Variants in DUSP14 observed in about 807,000 individuals in gnomAD.
DUSP14 encodes the protein dual specificity protein phosphatase 14.
A neutral mutation model predicts 13.2 loss-of-function variants in DUSP14; 5 were observed. That is an observed-to-expected ratio of 0.38 (90% confidence interval 0.20 to 0.80). The LOEUF (loss-of-function observed/expected upper bound fraction) is 0.80. Among genes scored for constraint, DUSP14 ranks in the 30% least tolerant of loss-of-function variants. The pLI is 0.44. For synonymous variants in DUSP14, 91 were observed against 103.4 expected (o/e 0.88, Z 0.73); for missense variants, 185 against 264.0 (o/e 0.70, Z 2.07).
chr17:37,509,285 ATATATATATATAGT>A (rs1294166885), intron 1 of DUSP14, among the ~76,000 whole-genome samples: 3 of 28,092 alleles, frequency 1.1e-4, no homozygotes, highest in Admixed American at 3.8e-4. Flanking sequence ...ATATATATAT[ATATATATATATAGT>A]GTGTGTGTGT....
chr17:37,501,328 G>A (rs1275080968), intron 1 of DUSP14, among the ~76,000 whole-genome samples: 5 of 152,162 alleles, frequency 3.3e-5, no homozygotes, highest in African/African-American at 1.2e-4. Context: ...AGATCACCTG[G>A]GATCTTGTTA....
chr17:37,492,697 A>G (rs1447527754), intron 1 of DUSP14, among the ~76,000 whole-genome samples: 2 of 152,198 alleles, frequency 1.3e-5, no homozygotes, highest in African/African-American at 4.8e-5. Flanking sequence ...GATTTATTGA[A>G]TTGTGAATTA....
intron 2 of DUSP14, among the ~76,000 whole-genome samples, chr17:37,511,921 A>ACCCCC (rs71135738): frequency 2.6e-4 from 13 of 49,470 alleles, no homozygotes; most frequent in Non-Finnish European, 3.9e-4. Flanking sequence ...ATGCCCAGCC[A>ACCCCC]CCCCCCCCCC....
At position 37,512,082 on chromosome 17, in the gene DUSP14, T is replaced by TAA; in HGVS notation, c.-92-91_-92-90dup. 5 of 558,174 alleles carry TAA rather than the reference T, an allele frequency of 9.0e-6. No homozygotes were observed. The South Asian group carries it at 1.1e-4, about 12-fold the overall frequency. 34.6% of individuals were successfully genotyped at this position (558,174 alleles called of 1,614,324 possible). On this transcript the variant is annotated intron_variant, in intron 2 of 2. Transcript: ENST00000617516. The surrounding 1 kb of genome is among the most constrained non-coding windows in gnomAD (Gnocchi z 4.8). The stretch of plus-strand genomic sequence containing the variant: ...CCTTGAAAGATTGTACTGTATTATT[T>TAA]AAAAAAAAACCCTCTAATCTTCCCA...
At chr17:37,499,561 C>T (rs960660060) in intron 1 of DUSP14, among the ~76,000 whole-genome samples, 26 of 151,976 alleles carry the variant, frequency 1.7e-4, no homozygotes, top group African/African-American at 6.0e-4. Context: ...CAGAGTTTCG[C>T]TCTTTCACGC....
intron 1 of DUSP14, among the ~76,000 whole-genome samples, chr17:37,500,982 A>G (rs2054101355): frequency 6.6e-6 from 1 of 152,116 alleles, no homozygotes; most frequent in Non-Finnish European, 1.5e-5. Context: ...TAGACTTTGA[A>G]TGGATGGATC....
intron 1 of DUSP14, among the ~76,000 whole-genome samples, chr17:37,499,218 C>T (rs867399690): frequency 2.6e-5 from 4 of 152,168 alleles, no homozygotes; most frequent in Non-Finnish European, 4.4e-5. Context: ...TGGGGGAAAC[C>T]GCCCCCACCT....
intron 1 of DUSP14, among the ~76,000 whole-genome samples, chr17:37,503,077 A>G (rs1030467401): frequency 6.6e-6 from 1 of 152,024 alleles, no homozygotes; most frequent in Non-Finnish European, 1.5e-5. Context: ...AAGGTTTCTC[A>G]GGGTTCAAAT....
chr17:37,511,938 C>CTTTTTTTTTTTTTTTTTTTTTT lies in DUSP14; in HGVS notation c.-92-225_-92-224insTTTTTTTTTTTTTTTTTTTTTT, dbSNP rs58893696. Among the ~76,000 whole-genome samples the CTTTTTTTTTTTTTTTTTTTTTT allele has an allele frequency of 2.4e-4, 9 of 38,254 alleles. 1 individual carries two copies. Among genetic ancestry groups the CTTTTTTTTTTTTTTTTTTTTTT allele is most frequent in the Non-Finnish European group, 3.7e-4 (8 of 21,854 alleles). 25.1% of individuals were successfully genotyped at this position (38,254 alleles called of 152,430 possible). A position where few individuals can be genotyped will look rare whatever the true frequency, so the allele number is the denominator to read the frequency against. On this transcript the variant is annotated intron_variant, in intron 2 of 2. Coordinates refer to ENST00000617516, the MANE Select transcript of DUSP14 (RefSeq NM_007026.4). ...GCCCAGCCACCCCCCCCCCACCCCA[C>CTTTTTTTTTTTTTTTTTTTTTT]TTTTTTTTTTTTTTTTTTGGACAAT...
chr17:37,488,873 C>T (rs190128350), upstream of DUSP14, among the ~76,000 whole-genome samples: 2 of 152,322 alleles, frequency 1.3e-5, no homozygotes. Context: ...CCCTCCACCC[C>T]TCCCCGCAAA....
chr17:37,501,788 A>T (rs1034283379), intron 1 of DUSP14, among the ~76,000 whole-genome samples: 2 of 152,124 alleles, frequency 1.3e-5, no homozygotes, highest in Admixed American at 6.6e-5. Context: ...AAGTGCTGGG[A>T]TTATAGGCAT....
intron 1 of DUSP14, among the ~76,000 whole-genome samples, chr17:37,499,719 G>T (rs566369654): frequency 1.3e-5 from 2 of 151,822 alleles, no homozygotes; most frequent in African/African-American, 4.8e-5. Context: ...TAGTAGAGAC[G>T]GGGTTTCACC....
At chr17:37,503,700 A>G (rs2054119691) in intron 1 of DUSP14, among the ~76,000 whole-genome samples, 1 of 152,238 alleles carries the variant, frequency 6.6e-6, no homozygotes, top group Non-Finnish European at 1.5e-5. Context: ...CACCTTTTAT[A>G]GTTATTGATA....
At chr17:37,511,938 C>CTTTTTTTTTTTTTTTTTTTTTTTTTTTT (rs58893696) in intron 2 of DUSP14, among the ~76,000 whole-genome samples, 1 of 38,248 alleles carries the variant, frequency 2.6e-5, no homozygotes. Context: ...CCCCACCCCA[C>CTTTTTTTTTTTTTTTTTTTTTTTTTTTT]TTTTTTTTTT....
In DUSP14 at chr17:37,501,384, C is replaced by T. The variant is rs910321839; in HGVS notation, c.-180-9293C>T. 4.6e-5 allele frequency among the ~76,000 whole-genome samples: 7 copies of T among 152,310 alleles called. No homozygotes were observed. The South Asian group carries it at 1.0e-3, about 23-fold the overall frequency. ...TAGGTCTTGGAATAGAGCCTGCGTT[C>T]TGCATTTCTTTCAAGCCTCCAGGTG... On this transcript the variant is annotated intron_variant, in intron 1 of 2. Transcript: ENST00000617516.
At chr17:37,504,574 A>G (rs1389211547) in intron 1 of DUSP14, among the ~76,000 whole-genome samples, 2 of 152,126 alleles carry the variant, frequency 1.3e-5, no homozygotes, top group Non-Finnish European at 2.9e-5. Flanking sequence ...CAATTTGTGA[A>G]TATCTTTTAC....
At chr17:37,493,909 CTG>C (rs1211643191) in intron 1 of DUSP14, among the ~76,000 whole-genome samples, 1 of 152,034 alleles carries the variant, frequency 6.6e-6, no homozygotes, top group African/African-American at 2.4e-5. Context: ...TTAAGAGGCA[CTG>C]TGCACAGACC....
chr17:37,489,185 C>T (rs904722658), upstream of DUSP14, among the ~76,000 whole-genome samples: 3 of 152,204 alleles, frequency 2.0e-5, no homozygotes, highest in Non-Finnish European at 2.9e-5. Context: ...CTCAAATGCC[C>T]GTGTCCCGCC....
At chr17:37,493,300 T>A (rs532258697) in intron 1 of DUSP14, among the ~76,000 whole-genome samples, 1 of 152,264 alleles carries the variant, frequency 6.6e-6, no homozygotes, top group Non-Finnish European at 1.5e-5. Context: ...ATACCACAAA[T>A]TACCTTTCCA....
Sources: allele counts gnomAD v4.1 joint callset (sites outside exome capture counted in the v4.1 genomes callset), GRCh38; gene constraint gnomAD v4.1.1; non-coding constraint Gnocchi (gnomAD v3.1); transcripts MANE v1.5; gene names NCBI Gene and HGNC (gene_info 2026-07-23, HGNC 2026-07-21).